DLEC1: variants seen among roughly 807,000 people sequenced by gnomAD.
The protein encoded by DLEC1 is DLEC1 cilia and flagella associated protein.
A neutral mutation model predicts 198.1 loss-of-function variants in DLEC1; 146 were observed. The observed-to-expected ratio is 0.74, with a 90% confidence interval of 0.64 to 0.85. The LOEUF (loss-of-function observed/expected upper bound fraction) is 0.85. Among genes scored for constraint, DLEC1 ranks in the 40% least tolerant of loss-of-function variants. The pLI, the probability that DLEC1 is intolerant of heterozygous loss-of-function variation, is 0.00. For missense variants in DLEC1, 2,233 were observed against 2,220.0 expected (o/e 1.01, Z -0.12); for synonymous variants, 897 against 866.8 (o/e 1.03, Z -0.61).
At chr3:38,042,272 A>C (rs7428946) in intron 1 of DLEC1, among the ~76,000 whole-genome samples, 141,984 of 152,186 alleles carry the variant, frequency 0.93, 66,297 homozygotes, top group African/African-American at 0.97. Context: ...GGATTACAAG[A>C]GTGTGCCACT....
chr3:38,080,181 T>G (rs1227683115), intron 6 of DLEC1, among the ~76,000 whole-genome samples: 2 of 151,872 alleles, frequency 1.3e-5, no homozygotes, highest in Middle Eastern at 3.4e-3. Flanking sequence ...TTTTTAAGAG[T>G]AAATTGCTGG....
rs375721069 is a variant in DLEC1, at chr3:38,062,557, T to G, written c.874-24T>G. 38 of 1,613,514 alleles carry G rather than the reference T, an allele frequency of 2.4e-5. No homozygotes were observed. The African/African-American group carries it at 4.4e-4, about 19-fold the overall frequency. On this transcript the variant is annotated intron_variant, in intron 4 of 36. Transcript: ENST00000308059. ...CACAATCCCTTTGCCTGTCATTGAC[T>G]CTATGCTTTTGTATGTTTCAAAGAA... is the stretch of plus-strand genomic sequence containing the variant.
chr3:38,115,120 G>C, intron 27 of DLEC1, 67 bp downstream of exon 27: 1 of 1,583,412 alleles, frequency 6.3e-7, no homozygotes, highest in Non-Finnish European at 8.7e-7. Context: ...GCCAGGCTGG[G>C]AGGGAAGGTG....
At chr3:38,057,813 A>G (rs1480163106) in intron 2 of DLEC1, among the ~76,000 whole-genome samples, 2 of 136,350 alleles carry the variant, frequency 1.5e-5, no homozygotes, top group African/African-American at 2.8e-5. Context: ...TCACTGTATT[A>G]TTCCTTTTTT....
chr3:38,059,766 T>C lies in DLEC1; in HGVS notation c.587T>C (p.Ile196Thr), dbSNP rs1229645035. 6.2e-7 allele frequency: 1 copy of C among 1,614,148 alleles called. No homozygotes were observed. The highest frequency in any genetic ancestry group is 8.5e-7 in the Non-Finnish European group (1 of 1,180,004). ...PPVKSVSRWC[I>T]DSELLRKHHL... Reference sequence around the variant, plus strand: ...GTGAAGAGTGTCTCCAGATGGTGTATAGACAGCGAGTTGCTACGGAAACAT... The same window carrying C: ...GTGAAGAGTGTCTCCAGATGGTGTACAGACAGCGAGTTGCTACGGAAACAT... Residue 196 changes from isoleucine (I) to threonine (T), a missense_variant, in exon 3 of 37, where the codon ATA (isoleucine) becomes ACA (threonine). Physicochemically the swap from Ile to Thr is moderately conservative, Grantham distance 89. Transcript: ENST00000308059.
intron 2 of DLEC1, among the ~76,000 whole-genome samples, chr3:38,059,175 C>T (rs576247180): frequency 7.9e-5 from 12 of 152,166 alleles, no homozygotes; most frequent in Non-Finnish European, 1.8e-4. Context: ...GCTGTGGGTC[C>T]AGCTAGGCAT....
chr3:38,097,819 A>G lies in DLEC1; in HGVS notation c.2641A>G (p.Ile881Val). 6.2e-7 allele frequency: 1 copy of G among 1,614,186 alleles called. No individual in the cohort carries two copies. The highest frequency in any genetic ancestry group is 8.5e-7 in the Non-Finnish European group (1 of 1,180,024). Reference sequence around the variant, plus strand: ...CCTGGGGCAGAAAGCCACAAACTCCATCCAGATCCGGAACGTCAGCCAGCT... The same window carrying G: ...CCTGGGGCAGAAAGCCACAAACTCCGTCCAGATCCGGAACGTCAGCCAGCT... ...LRLGQKATNS[I>V]QIRNVSQLPA... The change falls in exon 18 of 37, where the codon ATC becomes GTC. Residue 881 changes from isoleucine (I) to valine (V), a missense_variant. By Grantham distance (29) the Ile-to-Val change is conservative (BLOSUM62 3). Coordinates refer to ENST00000308059, the MANE Select transcript of DLEC1 (RefSeq NM_007335.4).
In DLEC1 at chr3:38,122,976, T is replaced by G; in HGVS notation, c.*564T>G. 6.6e-7 allele frequency: 1 copy of G among 1,522,738 alleles called. No individual in the cohort carries two copies. Among genetic ancestry groups the G allele is most frequent in the Non-Finnish European group, 9.1e-7 (1 of 1,101,006 alleles). 94.3% of individuals were successfully genotyped at this position (1,522,738 alleles called of 1,614,324 possible). A position where few individuals can be genotyped will look rare whatever the true frequency, so the allele number is the denominator to read the frequency against. On this transcript the variant is annotated 3_prime_UTR_variant, in exon 37 of 37. Coordinates refer to ENST00000308059, the MANE Select transcript of DLEC1 (RefSeq NM_007335.4). ...CTGAGTTTTCCCATGTGGTTTTGCT[T>G]TTGTGGTGTTACTGCCTTGCTGCTA...
chr3:38,042,493 A>C (rs1390938069), intron 1 of DLEC1, among the ~76,000 whole-genome samples: 1 of 152,064 alleles, frequency 6.6e-6, no homozygotes, highest in Non-Finnish European at 1.5e-5. Flanking sequence ...TTGTAATTAC[A>C]AAAAAAGAAA....
intron 2 of DLEC1, among the ~76,000 whole-genome samples, chr3:38,055,766 G>T (rs371782527): frequency 1.3e-5 from 2 of 152,200 alleles, no homozygotes; most frequent in East Asian, 1.9e-4. Context: ...CTGGTTATCT[G>T]GGTTGCGGGG....
Position 38,096,335 on chromosome 3 carries a change from C to G in DLEC1, c.2172-234C>G, listed in dbSNP as rs556166985. Among the ~76,000 whole-genome samples, 3 of 152,286 alleles carry G rather than the reference C, an allele frequency of 2.0e-5. No homozygotes were observed. The East Asian group carries it at 5.8e-4, about 29-fold the overall frequency. On this transcript the variant is annotated intron_variant, in intron 14 of 36. Coordinates refer to ENST00000308059, the MANE Select transcript of DLEC1 (RefSeq NM_007335.4). ...CAGGCTGGAGGGCTGCAGATGGTCC[C>G]TGGAGGCAGCAGGGCAATGCCCCGT...
At chr3:38,064,007 C>CTTT (rs71094947) in intron 6 of DLEC1, 88 bp downstream of exon 6, 288 of 450,558 alleles carry the variant, frequency 6.4e-4, no homozygotes, top group East Asian at 1.2e-3. Flanking sequence ...TTTTTTTTTT[C>CTTT]TTTTTTTTTT....
chr3:38,093,304 C>T (rs1698837154), intron 11 of DLEC1, among the ~76,000 whole-genome samples: 1 of 151,832 alleles, frequency 6.6e-6, no homozygotes, highest in Non-Finnish European at 1.5e-5. Context: ...TCTCTTCCTC[C>T]CTCCCTCCTT....
chr3:38,097,556 T>C lies in DLEC1; in HGVS notation c.2484T>C (p.Pro828=). ...AGTTGAACTTTACTGGGGGTGTCCC[T>C]GGCCCCACAAGCCAGGACCTGCTGT... ...DFELNFTGGV[P]GPTSQDLLCE... The change falls in exon 17 of 37, where the codon CCT becomes CCC. Residue 828 remains proline (P), a synonymous_variant. Coordinates refer to ENST00000308059, the MANE Select transcript of DLEC1 (RefSeq NM_007335.4). 2 of 1,614,230 alleles carry C rather than the reference T, an allele frequency of 1.2e-6. No homozygotes were observed. Among genetic ancestry groups the C allele is most frequent in the Non-Finnish European group, 1.7e-6 (2 of 1,180,038 alleles).
At chr3:38,065,096 G>A (rs1048241776) in intron 6 of DLEC1, among the ~76,000 whole-genome samples, 2 of 152,226 alleles carry the variant, frequency 1.3e-5, no homozygotes, top group South Asian at 4.1e-4. Context: ...CGGCACCTCG[G>A]GAGGCTGAGG....
chr3:38,087,195 A>C (rs1698503576), intron 9 of DLEC1, among the ~76,000 whole-genome samples: 2 of 152,182 alleles, frequency 1.3e-5, no homozygotes. Context: ...GGCTGGGGGC[A>C]GGCCCTGTGT....
chr3:38,089,846 T>C (rs1298828517), intron 10 of DLEC1, among the ~76,000 whole-genome samples: 2 of 152,124 alleles, frequency 1.3e-5, no homozygotes, highest in Non-Finnish European at 2.9e-5. Flanking sequence ...CAAAATGTAT[T>C]CATAGTTCCA....
chr3:38,083,803 T>G (rs960801649), intron 6 of DLEC1, among the ~76,000 whole-genome samples: 3 of 151,808 alleles, frequency 2.0e-5, no homozygotes, highest in East Asian at 1.9e-4. Context: ...TTTTTTTGTT[T>G]TTTTTTTTGG....
intron 6 of DLEC1, among the ~76,000 whole-genome samples, chr3:38,079,244 G>T (rs373035955): frequency 1.3e-5 from 2 of 151,618 alleles, no homozygotes; most frequent in Admixed American, 1.3e-4. Context: ...AAAGTGTCTC[G>T]GCCTAATAAG....
Sources: allele counts gnomAD v4.1 joint callset (sites outside exome capture counted in the v4.1 genomes callset), GRCh38; gene constraint gnomAD v4.1.1; transcripts MANE v1.5; gene names NCBI Gene and HGNC (gene_info 2026-07-23, HGNC 2026-07-21).